The following MTUS2 variants were observed in gnomAD, a reference collection of about 807,000 sequenced individuals.
MTUS2 encodes microtubule associated scaffold protein 2.
A neutral mutation model predicts 114.1 loss-of-function variants in MTUS2; 40 were observed. The observed-to-expected ratio is 0.35, with a 90% CI of 0.27 to 0.46. The LOEUF (loss-of-function observed/expected upper bound fraction) is 0.46, where lower values mean the gene tolerates loss of function less well. Ranked by LOEUF, MTUS2 falls within the 20% of genes least tolerant of loss-of-function variation. MTUS2 has a pLI of 1.00. For synonymous variants in MTUS2, 688 were observed against 672.0 expected (o/e 1.02, Z -0.37); for missense variants, 1,679 against 1,705.4 (o/e 0.98, Z 0.27).
chr13:29,336,818 C>T (rs1901088296), intron 7 of MTUS2, among the ~76,000 whole-genome samples: 1 of 152,204 alleles, frequency 6.6e-6, no homozygotes, highest in African/African-American at 2.4e-5. Context: ...GTGGTCACTA[C>T]CTTTCTTTCA....
intron 8 of MTUS2, among the ~76,000 whole-genome samples, chr13:29,375,343 ACCCGCAATT>A (rs1871508237): frequency 1.2e-4 from 1 of 8,476 alleles, no homozygotes; most frequent in Non-Finnish European, 4.3e-4. Flanking sequence ...TTAATGGCAA[ACCCGCAATT>A]ACTTACTTTT....
chr13:28,831,468 A>G (rs1874673166), intron 1 of MTUS2, among the ~76,000 whole-genome samples: 1 of 152,228 alleles, frequency 6.6e-6, no homozygotes, highest in Non-Finnish European at 1.5e-5. Flanking sequence ...TAACCTGAAC[A>G]TAGTAATAAA....
intron 9 of MTUS2, among the ~76,000 whole-genome samples, chr13:29,448,822 C>T (rs574851664): frequency 4.9e-4 from 72 of 146,436 alleles, no homozygotes; most frequent in African/African-American, 8.3e-4. Context: ...GGTGTGACCT[C>T]GGCTCACTGC....
chr13:28,848,752 A>C (rs542098842), intron 2 of MTUS2, among the ~76,000 whole-genome samples: 1 of 152,164 alleles, frequency 6.6e-6, no homozygotes, highest in Non-Finnish European at 1.5e-5. Flanking sequence ...TTTTGGCTCG[A>C]ATGGTCTCGA....
At chr13:28,992,122 A>G (rs1202074045) in intron 2 of MTUS2, among the ~76,000 whole-genome samples, 1 of 152,130 alleles carries the variant, frequency 6.6e-6, no homozygotes, top group Non-Finnish European at 1.5e-5. Flanking sequence ...TCCCACAGTG[A>G]CACCTCTTCT....
At chr13:29,207,912 T>G (rs1320304276) in intron 5 of MTUS2, among the ~76,000 whole-genome samples, 1 of 152,058 alleles carries the variant, frequency 6.6e-6, no homozygotes, top group East Asian at 1.9e-4. Context: ...TCTTTCCTGG[T>G]TTTAGTATTA....
At chr13:29,207,871 G>C (rs779015056) in intron 5 of MTUS2, among the ~76,000 whole-genome samples, 1 of 151,946 alleles carries the variant, frequency 6.6e-6, no homozygotes, top group East Asian at 1.9e-4. Context: ...TATGGAGATT[G>C]GTCTGTAATT....
intron 4 of MTUS2, among the ~76,000 whole-genome samples, chr13:29,038,069 T>C (rs1477154308): frequency 6.6e-6 from 1 of 152,226 alleles, no homozygotes; most frequent in African/African-American, 2.4e-5. Context: ...CAAGGAGTTA[T>C]GATCCTTTGG....
At chr13:28,912,748 G>C (rs1006281118) in intron 2 of MTUS2, among the ~76,000 whole-genome samples, 2 of 151,988 alleles carry the variant, frequency 1.3e-5, no homozygotes, top group African/African-American at 4.8e-5. Context: ...TAGCTTAGCT[G>C]TATTCCTAGG....
At chr13:29,107,592 A>G (rs927857886) in intron 5 of MTUS2, among the ~76,000 whole-genome samples, 1 of 152,224 alleles carries the variant, frequency 6.6e-6, no homozygotes, top group Non-Finnish European at 1.5e-5. Flanking sequence ...GCCAAAGAGT[A>G]GAAAACCCTT....
At chr13:29,170,364 T>C (rs1446740979) in intron 5 of MTUS2, among the ~76,000 whole-genome samples, 2 of 152,162 alleles carry the variant, frequency 1.3e-5, no homozygotes, top group Non-Finnish European at 2.9e-5. Context: ...GAAATGAAAT[T>C]GTGTGAGCAG....
intron 2 of MTUS2, among the ~76,000 whole-genome samples, chr13:28,939,454 T>G (rs979836687): frequency 1.3e-5 from 2 of 152,200 alleles, no homozygotes; most frequent in African/African-American, 4.8e-5. Context: ...GCTGAATTGC[T>G]TTTTGCAATA....
chr13:28,954,925 G>C (rs1357529277), intron 2 of MTUS2, among the ~76,000 whole-genome samples: 1 of 152,170 alleles, frequency 6.6e-6, no homozygotes, highest in Admixed American at 6.6e-5. Flanking sequence ...CCTGTGCTCT[G>C]TTGACTGCCC....
At chr13:29,179,932 T>C (rs1893929088) in intron 5 of MTUS2, among the ~76,000 whole-genome samples, 1 of 152,220 alleles carries the variant, frequency 6.6e-6, no homozygotes, top group Non-Finnish European at 1.5e-5. Flanking sequence ...GTTGTGTTCT[T>C]AGGCACCAAT....
intron 2 of MTUS2, among the ~76,000 whole-genome samples, chr13:28,989,832 C>G (rs1884746599): frequency 7.1e-6 from 1 of 140,022 alleles, no homozygotes; most frequent in Non-Finnish European, 1.5e-5. Context: ...AGGCTTTGGG[C>G]CTTTTTTTTG....
At chr13:29,344,048 A>T (rs1430768901) in intron 7 of MTUS2, among the ~76,000 whole-genome samples, 1 of 152,122 alleles carries the variant, frequency 6.6e-6, no homozygotes, top group Non-Finnish European at 1.5e-5. Context: ...TCTGAAATTT[A>T]TTGAGACTTC....
intron 8 of MTUS2, among the ~76,000 whole-genome samples, chr13:29,390,557 G>T (rs576738680): frequency 5.8e-4 from 88 of 151,244 alleles, no homozygotes; most frequent in African/African-American, 2.0e-3. Flanking sequence ...GGAGGCTGAG[G>T]CAGGAGAATC....
intron 2 of MTUS2, among the ~76,000 whole-genome samples, chr13:28,918,813 T>A (rs571364285): frequency 1.3e-5 from 2 of 152,128 alleles, no homozygotes; most frequent in Non-Finnish European, 2.9e-5. Context: ...ATTTAATTTC[T>A]TGCTTTTTAA....
intron 9 of MTUS2, among the ~76,000 whole-genome samples, chr13:29,440,618 A>G (rs1432717870): frequency 6.6e-6 from 1 of 152,064 alleles, no homozygotes; most frequent in Non-Finnish European, 1.5e-5. Flanking sequence ...AGGACCAGGT[A>G]TTTGCCATAT....
Sources: gnomAD v4.1 joint callset for allele counts (sites outside exome capture counted in the v4.1 genomes callset) on GRCh38, gnomAD v4.1.1 for gene constraint, MANE v1.5 for transcripts, NCBI Gene and HGNC (gene_info 2026-07-23, HGNC 2026-07-21) for gene names.